The following MYO3B variants were observed in gnomAD, a reference collection of about 807,000 sequenced individuals.
MYO3B encodes myosin IIIB.
In MYO3B, 156 loss-of-function variants were observed where a neutral mutation model predicts 174.6. The observed-to-expected ratio is 0.89, with a 90% CI of 0.78 to 1.02. The LOEUF is 1.02. Ranked by LOEUF, MYO3B falls within the 50% of genes least tolerant of loss-of-function variation. MYO3B has a pLI of 0.00. For missense variants in MYO3B, 1,632 were observed against 1,639.4 expected, an observed-to-expected ratio of 1.00 and a Z score of 0.08; for synonymous variants, 563 against 569.1, an observed-to-expected ratio of 0.99 and a Z score of 0.15.
At chr2:170,382,801 T>G in intron 10 of MYO3B, 1 of 262,098 alleles carries the variant, frequency 3.8e-6, no homozygotes. Context: ...TTTTTCACAA[T>G]AACAAGTAAA....
chr2:170,214,805 G>C lies in MYO3B; in HGVS notation c.503G>C (p.Gly168Ala). ...KGNNILLTTE[G>A]GVKLVDFGVS... The stretch of plus-strand genomic sequence containing the variant: ...AATAACATTCTTCTGACAACAGAAG[G>C]AGGAGTTAAGCTCGTTGACTTTGGT... Residue 168 changes from glycine (G) to alanine (A), a missense_variant, in exon 5 of 35, where the codon GGA (glycine) becomes GCA (alanine). Gly to Ala is a moderately conservative substitution (Grantham distance 60, BLOSUM62 0). Coordinates refer to ENST00000408978, the MANE Select transcript of MYO3B (RefSeq NM_138995.5). 6.2e-7 allele frequency: 1 copy of C among 1,613,780 alleles called. No homozygotes were observed. The highest frequency in any genetic ancestry group is 8.5e-7 in the Non-Finnish European group (1 of 1,179,712).
intron 7 of MYO3B, among the ~76,000 whole-genome samples, chr2:170,305,993 A>T (rs937782287): frequency 6.6e-6 from 1 of 152,148 alleles, no homozygotes; most frequent in Non-Finnish European, 1.5e-5. Flanking sequence ...TTTATTTTAC[A>T]TGATATGAAC....
chr2:170,267,149 G>T (rs1401280), intron 7 of MYO3B, among the ~76,000 whole-genome samples: 5,440 of 47,026 alleles, frequency 0.12, 311 homozygotes, highest in African/African-American at 0.16. Flanking sequence ...GCAGCTGGGG[G>T]TAGGGTGGGA....
intron 7 of MYO3B, among the ~76,000 whole-genome samples, chr2:170,277,230 A>G (rs2093470006): frequency 6.6e-6 from 1 of 152,176 alleles, no homozygotes; most frequent in Non-Finnish European, 1.5e-5. Context: ...GGCTCACATA[A>G]TCTGTACTAG....
At chr2:170,537,738 C>A (rs142253285) in intron 30 of MYO3B, among the ~76,000 whole-genome samples, 1,842 of 152,118 alleles carry the variant, frequency 0.012, 19 homozygotes, top group Non-Finnish European at 0.021. Flanking sequence ...TGAGCCACCA[C>A]GCCCAGCCAA....
In MYO3B at chr2:170,200,272, G is replaced by T. The variant is rs775325273; in HGVS notation, c.309G>T (p.Trp103Cys). The T allele has an allele frequency of 1.2e-6, 2 of 1,611,842 alleles. No individual in the cohort carries two copies. The highest frequency in any genetic ancestry group is 1.7e-5 in the Admixed American group (1 of 59,724). ...KADHCVGGQL[W>C]LVLELCNGGS... ...ATCACTGTGTAGGGGGACAGCTGTGGCTGGTCCTGGAGGTAAGAGGCTCCC... is the reference window on the plus strand; with the variant it reads ...ATCACTGTGTAGGGGGACAGCTGTGTCTGGTCCTGGAGGTAAGAGGCTCCC... Residue 103 changes from tryptophan (W) to cysteine (C), a missense_variant, in exon 3 of 35, where the codon TGG becomes TGT. Coordinates refer to ENST00000408978, the MANE Select transcript of MYO3B (RefSeq NM_138995.5).
At chr2:170,246,989 A>G (rs1360700774) in intron 7 of MYO3B, among the ~76,000 whole-genome samples, 1 of 152,130 alleles carries the variant, frequency 6.6e-6, no homozygotes, top group African/African-American at 2.4e-5. Context: ...CTTACATAAC[A>G]TACTTGGCAG....
intron 32 of MYO3B, among the ~76,000 whole-genome samples, chr2:170,559,627 G>A (rs1469608465): frequency 6.6e-6 from 1 of 152,054 alleles, no homozygotes; most frequent in Non-Finnish European, 1.5e-5. Flanking sequence ...AATATAGTTT[G>A]GATAATGACG....
intron 32 of MYO3B, among the ~76,000 whole-genome samples, chr2:170,585,727 C>T (rs1693461076): frequency 6.6e-6 from 1 of 152,088 alleles, no homozygotes; most frequent in East Asian, 1.9e-4. Flanking sequence ...GAAATCGAGT[C>T]ACAGTTCTTG....
intron 7 of MYO3B, among the ~76,000 whole-genome samples, chr2:170,326,291 A>T (rs1295615899): frequency 6.6e-6 from 1 of 152,166 alleles, no homozygotes; most frequent in Non-Finnish European, 1.5e-5. Context: ...GAACAACATG[A>T]TCTATTTGAA....
chr2:170,322,146 A>G (rs11901470), intron 7 of MYO3B, among the ~76,000 whole-genome samples: 38,005 of 149,200 alleles, frequency 0.25, 5,584 homozygotes, highest in South Asian at 0.35. Context: ...TAGCAGCACT[A>G]TAATATAGCA....
At chr2:170,640,216 G>A (rs1012732036) in intron 32 of MYO3B, among the ~76,000 whole-genome samples, 5 of 152,200 alleles carry the variant, frequency 3.3e-5, no homozygotes, top group Admixed American at 6.5e-5. Context: ...CTCCAGGGGT[G>A]AGGTCATGAT....
intron 7 of MYO3B, among the ~76,000 whole-genome samples, chr2:170,248,678 GCA>G (rs1288094889): frequency 1.3e-5 from 2 of 152,038 alleles, no homozygotes; most frequent in African/African-American, 4.8e-5. Flanking sequence ...TTCTCACACT[GCA>G]CCACTCTGAC....
At chr2:170,302,464 T>C (rs908020290) in intron 7 of MYO3B, among the ~76,000 whole-genome samples, 1 of 152,226 alleles carries the variant, frequency 6.6e-6, no homozygotes. Flanking sequence ...ACTGTCCACC[T>C]AGTGACAATG....
intron 32 of MYO3B, among the ~76,000 whole-genome samples, chr2:170,587,280 G>A (rs1693547124): frequency 1.3e-5 from 2 of 152,284 alleles, no homozygotes; most frequent in South Asian, 2.1e-4. Context: ...GCCAGCAGCA[G>A]CCTCATACAT....
rs568261524 is a variant in MYO3B, at chr2:170,391,987, T to G, written c.1676+369T>G. Among the ~76,000 whole-genome samples the G allele has an allele frequency of 5.6e-4, 85 of 151,686 alleles. 1 individual carries two copies. Among genetic ancestry groups the G allele is most frequent in the African/African-American group, 1.9e-3 (79 of 41,162 alleles). Reference sequence around the variant, plus strand: ...CAGGGCAGCATAGTGAGACTCTGTCTCTACAATTTTTTTTTTAATTAGCTA... The same window carrying G: ...CAGGGCAGCATAGTGAGACTCTGTCGCTACAATTTTTTTTTTAATTAGCTA... On this transcript the variant is annotated intron_variant, in intron 15 of 34. Coordinates refer to ENST00000408978, the MANE Select transcript of MYO3B (RefSeq NM_138995.5).
chr2:170,362,977 A>G (rs1453817630), intron 8 of MYO3B, among the ~76,000 whole-genome samples: 1 of 152,180 alleles, frequency 6.6e-6, no homozygotes, highest in Non-Finnish European at 1.5e-5. Context: ...TATTTAACCT[A>G]TAATTAGTGT....
intron 6 of MYO3B, among the ~76,000 whole-genome samples, chr2:170,228,098 G>A (rs4667627): frequency 0.67 from 102,117 of 152,082 alleles, 34,816 homozygotes; most frequent in African/African-American, 0.78. Flanking sequence ...TAATGCTTGC[G>A]TGCTGTGCCT....
At chr2:170,536,872 T>G (rs1423943895) in intron 30 of MYO3B, among the ~76,000 whole-genome samples, 2 of 152,090 alleles carry the variant, frequency 1.3e-5, no homozygotes, top group Non-Finnish European at 2.9e-5. Flanking sequence ...GAAACTTGCC[T>G]CCCTCAAGAT....
Sources: gnomAD v4.1 joint callset for allele counts (sites outside exome capture counted in the v4.1 genomes callset) on GRCh38, gnomAD v4.1.1 for gene constraint, MANE v1.5 for transcripts, NCBI Gene and HGNC (gene_info 2026-07-23, HGNC 2026-07-21) for gene names.